BIRC6: variants seen among roughly 807,000 people sequenced by gnomAD.
BIRC6 encodes the protein dual E2 ubiquitin-conjugating enzyme/E3 ubiquitin-protein ligase BIRC6.
A neutral mutation model predicts 503.3 loss-of-function variants in BIRC6; 98 were observed. The observed-to-expected ratio is 0.19, with a 90% confidence interval of 0.17 to 0.23. The LOEUF (loss-of-function observed/expected upper bound fraction) is 0.23. Among genes scored for constraint, BIRC6 ranks in the 10% least tolerant of loss-of-function variants. The pLI, the probability that BIRC6 is intolerant of heterozygous loss-of-function variation, is 1.00. For synonymous variants in BIRC6, 2,240 were observed against 2,078.7 expected (o/e 1.08, Z -2.11); for missense variants, 5,360 against 5,806.0 (o/e 0.92, Z 2.50).
intron 9 of BIRC6, among the ~76,000 whole-genome samples, chr2:32,410,901 T>A (rs1402322822): frequency 6.6e-6 from 1 of 151,928 alleles, no homozygotes; most frequent in East Asian, 1.9e-4. Flanking sequence ...GGGGTTTCGC[T>A]GTGTTAGCCA....
intron 65 of BIRC6, among the ~76,000 whole-genome samples, chr2:32,554,934 T>C (rs1395118548): frequency 6.6e-6 from 1 of 152,150 alleles, no homozygotes; most frequent in Non-Finnish European, 1.5e-5. Flanking sequence ...GTTGGAAACC[T>C]AGCCATCTTG....
At chr2:32,497,652 T>A (rs189577845) in intron 45 of BIRC6, among the ~76,000 whole-genome samples, 7 of 152,310 alleles carry the variant, frequency 4.6e-5, no homozygotes, top group East Asian at 3.9e-4. Context: ...TATTAATGTT[T>A]ATAGGATCTA....
chr2:32,476,127 T>C, intron 33 of BIRC6, 86 bp from the exon 34 acceptor site: 1 of 991,636 alleles, frequency 1.0e-6, no homozygotes, highest in East Asian at 2.8e-5. Context: ...ATTCCATTAG[T>C]TTGATGTATG....
chr2:32,496,120 C>G (rs2052437879), intron 45 of BIRC6, among the ~76,000 whole-genome samples: 1 of 152,072 alleles, frequency 6.6e-6, no homozygotes, highest in African/African-American at 2.4e-5. Flanking sequence ...CATGAGCCAC[C>G]GCACCCCGCC....
intron 8 of BIRC6, among the ~76,000 whole-genome samples, chr2:32,404,339 A>G (rs1257436264): frequency 1.3e-5 from 2 of 151,136 alleles, no homozygotes; most frequent in Non-Finnish European, 3.0e-5. Flanking sequence ...TTTTTTTTTG[A>G]GAGAGTCTTG....
intron 48 of BIRC6, 71 bp downstream of exon 48, chr2:32,502,962 AG>A: frequency 6.6e-7 from 1 of 1,519,648 alleles, no homozygotes; most frequent in Non-Finnish European, 8.9e-7. Flanking sequence ...TCATTTTTGT[AG>A]TCTTTTGTGG....
At chr2:32,465,770 C>A (rs1246468311) in intron 26 of BIRC6, among the ~76,000 whole-genome samples, 1 of 152,160 alleles carries the variant, frequency 6.6e-6, no homozygotes, top group African/African-American at 2.4e-5. Flanking sequence ...ACAAAATCCT[C>A]AGGGAAATAA....
chr2:32,362,312 G>T (rs190183867), intron 1 of BIRC6, among the ~76,000 whole-genome samples: 1 of 150,568 alleles, frequency 6.6e-6, no homozygotes, highest in Non-Finnish European at 1.5e-5. Flanking sequence ...TTTATTTGCT[G>T]ACTTTGTTTT....
chr2:32,553,623 C>T (rs1224309927), intron 65 of BIRC6, among the ~76,000 whole-genome samples: 3 of 151,976 alleles, frequency 2.0e-5, no homozygotes, highest in Non-Finnish European at 4.4e-5. Flanking sequence ...CTCCTGACCT[C>T]AAGTGATCCG....
chr2:32,450,782 C>T (rs1331101241), intron 22 of BIRC6, among the ~76,000 whole-genome samples: 1 of 152,124 alleles, frequency 6.6e-6, no homozygotes, highest in Non-Finnish European at 1.5e-5. Context: ...TTGTGTATAA[C>T]TTACACACAT....
At chr2:32,359,246 C>T (rs1191764432) in intron 1 of BIRC6, among the ~76,000 whole-genome samples, 1 of 152,110 alleles carries the variant, frequency 6.6e-6, no homozygotes, top group Admixed American at 6.5e-5. Flanking sequence ...GGTATATGTA[C>T]TAGGATTTCT....
chr2:32,387,651 GA>G (rs540890213), intron 3 of BIRC6, among the ~76,000 whole-genome samples: 101 of 152,294 alleles, frequency 6.6e-4, no homozygotes, highest in African/African-American at 2.4e-3. Context: ...GGATTATGGT[GA>G]CAACAGCAAC....
At chr2:32,376,167 C>CAGGGCAAG (rs1430191559) in intron 1 of BIRC6, among the ~76,000 whole-genome samples, 1 of 121,832 alleles carries the variant, frequency 8.2e-6, no homozygotes, top group Non-Finnish European at 1.7e-5. Context: ...GCCTGGGGGA[C>CAGGGCAAG]AGGGCAAGAC....
intron 59 of BIRC6, among the ~76,000 whole-genome samples, chr2:32,525,863 A>C (rs537753876): frequency 6.6e-6 from 1 of 152,260 alleles, no homozygotes; most frequent in African/African-American, 2.4e-5. Flanking sequence ...CTGGTTTTCT[A>C]AGTTTTTCTG....
intron 1 of BIRC6, among the ~76,000 whole-genome samples, chr2:32,371,308 C>T (rs1046139445): frequency 2.0e-5 from 3 of 149,294 alleles, no homozygotes; most frequent in South Asian, 2.1e-4. Flanking sequence ...AAAGTAAGTA[C>T]GTATAATTTC....
chr2:32,441,957 T>C, intron 17 of BIRC6, 108 bp from the exon 18 acceptor site: 1 of 822,414 alleles, frequency 1.2e-6, no homozygotes, highest in Non-Finnish European at 1.8e-6. Context: ...TTAAATGTAC[T>C]TGAGATGTTC....
At chr2:32,530,623 A>AT (rs55838531) in intron 60 of BIRC6, among the ~76,000 whole-genome samples, 152,307 of 152,320 alleles carry the variant, frequency 1, 76,147 homozygotes, top group Middle Eastern at 1. Flanking sequence ...GTTGTTTCCA[A>AT]TTTTTACTCC....
chr2:32,427,889 CTTTG>C (rs753574817), intron 10 of BIRC6, among the ~76,000 whole-genome samples: 15 of 152,122 alleles, frequency 9.9e-5, no homozygotes, highest in Non-Finnish European at 1.3e-4. Flanking sequence ...GTGGTTGTTG[CTTTG>C]TTTGTTTTGT....
At chr2:32,435,611 C>T in intron 14 of BIRC6, 26 bp downstream of exon 14, 1 of 1,539,758 alleles carries the variant, frequency 6.5e-7, no homozygotes, top group Admixed American at 2.1e-5. Context: ...GAGCTGTTGT[C>T]CATGACAGTA....
Sources: allele counts gnomAD v4.1 joint callset (sites outside exome capture counted in the v4.1 genomes callset), GRCh38; gene constraint gnomAD v4.1.1; transcripts MANE v1.5; gene names NCBI Gene and HGNC (gene_info 2026-07-23, HGNC 2026-07-21).